The following TAF4B variants were observed in gnomAD, a reference collection of about 807,000 sequenced individuals.
TAF4B encodes TATA-box binding protein associated factor 4b.
TAF4B carries 38 observed loss-of-function variants against 86.4 expected under a neutral mutation model. The observed-to-expected ratio is 0.44, with a 90% CI of 0.34 to 0.58. The LOEUF (loss-of-function observed/expected upper bound fraction) is 0.58, where lower values mean the gene tolerates loss of function less well. Ranked by LOEUF, TAF4B falls within the 20% of genes least tolerant of loss-of-function variation. The probability of loss-of-function intolerance (pLI) is 0.02; values close to 1 mark genes in which losing one functional copy is unlikely to be tolerated. For synonymous variants in TAF4B, 388 were observed against 391.2 expected (o/e 0.99, Z 0.10); for missense variants, 988 against 1,027.6 (o/e 0.96, Z 0.53).
chr18:26,261,243 G>A (rs1213873481), intron 1 of TAF4B, among the ~76,000 whole-genome samples: 4 of 136,354 alleles, frequency 2.9e-5, no homozygotes, highest in African/African-American at 7.8e-5. Context: ...GTGCAGTGGC[G>A]GGATCTCGGC....
At position 26,226,813 on chromosome 18, in the gene TAF4B, G is replaced by C; in HGVS notation, c.-121G>C. The C allele has an allele frequency of 2.6e-6, 2 of 760,122 alleles. No homozygotes were observed. The highest frequency in any genetic ancestry group is 3.7e-6 in the Non-Finnish European group (2 of 539,528). 47.1% of individuals were successfully genotyped at this position (760,122 alleles called of 1,614,324 possible). A position where few individuals can be genotyped will look rare whatever the true frequency, so the allele number is the denominator to read the frequency against. On this transcript the variant is annotated 5_prime_UTR_variant, in exon 1 of 15. Coordinates refer to ENST00000269142, the MANE Select transcript of TAF4B (RefSeq NM_005640.3). The stretch of plus-strand genomic sequence containing the variant: ...CTGACTTCGCTGCTGCGGCCCCCGC[G>C]CCTCTCCCCAGCGATGCTGTGGAAC...
At chr18:26,352,464 A>G (rs1348113678) in intron 13 of TAF4B, among the ~76,000 whole-genome samples, 1 of 152,096 alleles carries the variant, frequency 6.6e-6, no homozygotes, top group Admixed American at 6.5e-5. Context: ...ATGACTTTGG[A>G]AAAAAGTTCC....
chr18:26,260,416 T>A (rs1193696691), intron 1 of TAF4B, among the ~76,000 whole-genome samples: 3 of 152,224 alleles, frequency 2.0e-5, no homozygotes, highest in Non-Finnish European at 4.4e-5. Context: ...TGGTTTTAGG[T>A]CTGACATTTA....
chr18:26,357,006 TGC>T (rs2057293611), intron 13 of TAF4B, among the ~76,000 whole-genome samples: 1 of 152,126 alleles, frequency 6.6e-6, no homozygotes, highest in Non-Finnish European at 1.5e-5. Context: ...TTTAGAATTT[TGC>T]CATGAATATT....
chr18:26,296,556 A>G (rs2056665503), intron 9 of TAF4B, among the ~76,000 whole-genome samples: 1 of 151,606 alleles, frequency 6.6e-6, no homozygotes, highest in Non-Finnish European at 1.5e-5. Context: ...TTTCCTTTAT[A>G]GTTTGGAGTT....
intron 12 of TAF4B, among the ~76,000 whole-genome samples, chr18:26,332,753 C>T (rs758686208): frequency 4.6e-5 from 7 of 152,072 alleles, no homozygotes; most frequent in Non-Finnish European, 1.0e-4. Flanking sequence ...TGGTCTCGAA[C>T]TCTCCTGACC....
intron 14 of TAF4B, among the ~76,000 whole-genome samples, chr18:26,378,362 A>G (rs1369421966): frequency 2.0e-5 from 3 of 152,164 alleles, no homozygotes; most frequent in Non-Finnish European, 4.4e-5. Context: ...GGTAACTTTT[A>G]AAATTTACAA....
chr18:26,285,222 G>GTTTTTGTTTTTTTT, intron 6 of TAF4B, among the ~76,000 whole-genome samples: 8 of 45,658 alleles, frequency 1.8e-4, no homozygotes, highest in Admixed American at 3.1e-4. Context: ...TTTTTTTTTT[G>GTTTTTGTTTTTTTT]TTTTTTTTTT....
At chr18:26,331,570 CT>C (rs899840294) in intron 12 of TAF4B, among the ~76,000 whole-genome samples, 2 of 152,160 alleles carry the variant, frequency 1.3e-5, no homozygotes, top group African/African-American at 4.8e-5. Context: ...ACCTTTTACT[CT>C]TATAGATTTT....
chr18:26,261,840 T>C (rs2056172242), intron 1 of TAF4B, among the ~76,000 whole-genome samples: 2 of 152,218 alleles, frequency 1.3e-5, no homozygotes, highest in South Asian at 4.1e-4. Flanking sequence ...TGCTACTTTG[T>C]ATTTGAGGGT....
intron 1 of TAF4B, among the ~76,000 whole-genome samples, chr18:26,227,651 T>C (rs949574443): frequency 6.6e-6 from 1 of 152,144 alleles, no homozygotes; most frequent in African/African-American, 2.4e-5. Flanking sequence ...TTATTAATTA[T>C]GAATGAATGA....
rs566019365 is a variant in TAF4B at position 26,313,364 on chromosome 18, T to A, written c.1833-1865T>A. Among the ~76,000 whole-genome samples, 454 of 152,338 alleles carry A rather than the reference T, an allele frequency of 3.0e-3. 5 individuals carry two copies. Among genetic ancestry groups the A allele is most frequent in the African/African-American group, 0.011 (438 of 41,578 alleles). On this transcript the variant is annotated intron_variant, in intron 9 of 14. Transcript: ENST00000269142. ...TCTTTAGGCTTATGATTCCTTACAT[T>A]CTTAATGCTTTCGATGTTTAAATGT...
At chr18:26,356,190 A>AG (rs1454499909) in intron 13 of TAF4B, among the ~76,000 whole-genome samples, 3 of 152,106 alleles carry the variant, frequency 2.0e-5, no homozygotes, top group African/African-American at 7.2e-5. Flanking sequence ...ACTTGGTGGA[A>AG]GGGGCGAGGG....
At chr18:26,315,095 A>ACTCT (rs58691265) in intron 9 of TAF4B, 134 bp from the exon 10 acceptor site, 4,662 of 219,136 alleles carry the variant, frequency 0.021, 99 homozygotes, top group East Asian at 0.083. Context: ...GCTCTCTGAA[A>ACTCT]CTCTCTCTCT....
At chr18:26,264,903 T>G (rs1299646439) in intron 1 of TAF4B, among the ~76,000 whole-genome samples, 3 of 152,212 alleles carry the variant, frequency 2.0e-5, no homozygotes, top group Non-Finnish European at 4.4e-5. Context: ...TCTTAATTAC[T>G]GTAGCTTTAT....
At chr18:26,389,743 C>T (rs1467255124) in intron 14 of TAF4B, 102 bp from the exon 15 acceptor site, 3 of 1,237,856 alleles carry the variant, frequency 2.4e-6, no homozygotes, top group Non-Finnish European at 3.4e-6. Flanking sequence ...AGTACCTAAC[C>T]CAGTGACCAG....
intron 13 of TAF4B, among the ~76,000 whole-genome samples, chr18:26,346,104 G>C (rs1430907728): frequency 1.3e-5 from 2 of 152,124 alleles, no homozygotes; most frequent in Non-Finnish European, 2.9e-5. Context: ...GAGTATCTGA[G>C]ACTAGAAGCA....
At chr18:26,379,681 A>G (rs1376826150) in intron 14 of TAF4B, among the ~76,000 whole-genome samples, 3 of 152,032 alleles carry the variant, frequency 2.0e-5, no homozygotes, top group Non-Finnish European at 4.4e-5. Flanking sequence ...TGTCCTTTGT[A>G]TCTTCATATG....
At chr18:26,312,695 G>A (rs1265909459) in intron 9 of TAF4B, among the ~76,000 whole-genome samples, 1 of 152,120 alleles carries the variant, frequency 6.6e-6, no homozygotes, top group Non-Finnish European at 1.5e-5. Context: ...AGAGAAGCAA[G>A]GTGCAATTTC....
Sources: gnomAD v4.1 joint callset for allele counts (sites outside exome capture counted in the v4.1 genomes callset) on GRCh38, gnomAD v4.1.1 for gene constraint, MANE v1.5 for transcripts, NCBI Gene and HGNC (gene_info 2026-07-23, HGNC 2026-07-21) for gene names.